The following GPCPD1 variants were observed in gnomAD, a reference collection of about 807,000 sequenced individuals.
The protein encoded by GPCPD1 is glycerophosphocholine phosphodiesterase GPCPD1.
A neutral mutation model predicts 89.2 loss-of-function variants in GPCPD1; 29 were observed. The ratio of observed to expected loss-of-function variants is 0.33; its 90% CI spans 0.24 to 0.44. GPCPD1 has a LOEUF of 0.44. Ranked by LOEUF, GPCPD1 falls within the 20% of genes least tolerant of loss-of-function variation. The pLI is 1.00. For synonymous variants in GPCPD1, 258 were observed against 266.3 expected (o/e 0.97, Z 0.30); for missense variants, 594 against 808.9 (o/e 0.73, Z 3.22).
At chr20:5,569,814 G>A (rs1986604244) in intron 12 of GPCPD1, among the ~76,000 whole-genome samples, 1 of 152,088 alleles carries the variant, frequency 6.6e-6, no homozygotes, top group Non-Finnish European at 1.5e-5. Flanking sequence ...AGAAACAGCT[G>A]GAATCCTAGA....
At chr20:5,548,063 T>C (rs1204487789) in intron 19 of GPCPD1, among the ~76,000 whole-genome samples, 1 of 152,242 alleles carries the variant, frequency 6.6e-6, no homozygotes, top group African/African-American at 2.4e-5. Context: ...AATAGCAGCA[T>C]TGCCCTTTTG....
chr20:5,581,930 A>T (rs558580831), intron 6 of GPCPD1, among the ~76,000 whole-genome samples: 1 of 144,116 alleles, frequency 6.9e-6, no homozygotes, highest in African/African-American at 2.6e-5. Context: ...CACGCCTGTA[A>T]TCCCAGCACT....
At chr20:5,572,529 C>T (rs1406717441) in intron 11 of GPCPD1, among the ~76,000 whole-genome samples, 1 of 152,110 alleles carries the variant, frequency 6.6e-6, no homozygotes, top group Non-Finnish European at 1.5e-5. Context: ...GATGTTAGTT[C>T]ATATAAGTAA....
chr20:5,577,850 A>G (rs1303775595), intron 8 of GPCPD1, among the ~76,000 whole-genome samples: 1 of 152,212 alleles, frequency 6.6e-6, no homozygotes, highest in African/African-American at 2.4e-5. Flanking sequence ...GTCTACAAGC[A>G]CTAGTGTAAG....
intron 2 of GPCPD1, among the ~76,000 whole-genome samples, chr20:5,602,044 T>G (rs569864147): frequency 6.6e-6 from 1 of 152,342 alleles, no homozygotes; most frequent in African/African-American, 2.4e-5. Flanking sequence ...CTGGTTGTAC[T>G]TGTTTCCCCC....
intron 16 of GPCPD1, among the ~76,000 whole-genome samples, chr20:5,560,528 T>C (rs1470437506): frequency 6.6e-6 from 1 of 152,204 alleles, no homozygotes; most frequent in Non-Finnish European, 1.5e-5. Flanking sequence ...AACCAAAAAT[T>C]AATTAAAGTA....
At chr20:5,562,791 T>C (rs1986164088) in intron 15 of GPCPD1, among the ~76,000 whole-genome samples, 1 of 152,126 alleles carries the variant, frequency 6.6e-6, no homozygotes, top group South Asian at 2.1e-4. Flanking sequence ...TTGTATTCAA[T>C]TTTGTGTGGG....
chr20:5,558,618 A>C (rs1389912925), intron 18 of GPCPD1, 66 bp downstream of exon 18: 2 of 951,038 alleles, frequency 2.1e-6, no homozygotes, highest in Non-Finnish European at 3.2e-6. Flanking sequence ...GTAATATGAA[A>C]TCTTTACTAC....
At chr20:5,608,622 G>A (rs1395863143) in intron 1 of GPCPD1, among the ~76,000 whole-genome samples, 7 of 149,952 alleles carry the variant, frequency 4.7e-5, no homozygotes, top group Non-Finnish European at 3.0e-5. Flanking sequence ...AAACAAGGAA[G>A]AAAAAAAAAA....
intron 4 of GPCPD1, among the ~76,000 whole-genome samples, chr20:5,592,230 A>G (rs1364233567): frequency 6.6e-6 from 1 of 152,016 alleles, no homozygotes; most frequent in Non-Finnish European, 1.5e-5. Flanking sequence ...CATATCTATG[A>G]CCTATGTATC....
chr20:5,602,282 G>A (rs1250461440), intron 2 of GPCPD1, among the ~76,000 whole-genome samples: 1 of 152,168 alleles, frequency 6.6e-6, no homozygotes, highest in Non-Finnish European at 1.5e-5. Context: ...CACTTCTGTG[G>A]CCAGTTCTGC....
chr20:5,586,703 C>A (rs1978949168), intron 4 of GPCPD1, among the ~76,000 whole-genome samples: 1 of 152,098 alleles, frequency 6.6e-6, no homozygotes, highest in Admixed American at 6.6e-5. Flanking sequence ...AACAAGCCTA[C>A]AATAGTAAAA....
At position 5,573,287 on chromosome 20, in the gene GPCPD1, T is replaced by C. The variant is rs369664957; in HGVS notation, c.1056+628A>G. On this transcript the variant is annotated intron_variant, in intron 11 of 19. Coordinates refer to ENST00000379019, the MANE Select transcript of GPCPD1 (RefSeq NM_019593.5). ...TTTTAGTACAGGCTGGGTTTCACCATGTTGGCCAGGCTGGTCTTGAACTCC... is the reference window on the plus strand; with the variant it reads ...TTTTAGTACAGGCTGGGTTTCACCACGTTGGCCAGGCTGGTCTTGAACTCC... Among the ~76,000 whole-genome samples the C allele has an allele frequency of 3.3e-5, 5 of 152,168 alleles. No homozygotes were observed. In the East Asian group the frequency reaches 5.8e-4, roughly 18 times the overall value.
intron 14 of GPCPD1, among the ~76,000 whole-genome samples, chr20:5,565,588 T>G (rs1327907071): frequency 6.6e-6 from 1 of 152,178 alleles, no homozygotes; most frequent in Non-Finnish European, 1.5e-5. Flanking sequence ...ACCCATTTTC[T>G]AAATAAGCAT....
Position 5,547,536 on chromosome 20 carries a change from A to C in GPCPD1, c.*125T>G. On this transcript the variant is annotated 3_prime_UTR_variant, in exon 20 of 20. Transcript: ENST00000379019. The stretch of plus-strand genomic sequence containing the variant: ...GCAAGAACTGTAGTGAAAGAGTTAA[A>C]TACTTCATTATTGCTTCATTGAACT... 1 of 527,448 alleles carries C rather than the reference A, an allele frequency of 1.9e-6. No individual in the cohort carries two copies. The highest frequency in any genetic ancestry group is 3.5e-6 in the Non-Finnish European group (1 of 289,566). 32.7% of individuals were successfully genotyped at this position (527,448 alleles called of 1,614,324 possible).
chr20:5,582,470 T>C (rs1978604519), intron 6 of GPCPD1, among the ~76,000 whole-genome samples: 1 of 151,928 alleles, frequency 6.6e-6, no homozygotes, highest in African/African-American at 2.4e-5. Context: ...TTCAGGCCTG[T>C]TCTTTCCTGT....
rs568155284 is a variant in GPCPD1, at chr20:5,567,472, A to G, written c.1227+11T>C. 1.9e-5 allele frequency: 29 copies of G among 1,557,248 alleles called. No individual in the cohort carries two copies. The East Asian group carries it at 5.7e-4, about 31-fold the overall frequency. On this transcript the variant is annotated intron_variant, in intron 13 of 19. Transcript: ENST00000379019. ...TAAGGGATAATTTACATTTCATGTT[A>G]TTATTACTACCTTTAACAACTGGAG...
intron 11 of GPCPD1, among the ~76,000 whole-genome samples, chr20:5,570,671 C>T (rs868198030): frequency 6.6e-6 from 1 of 152,150 alleles, no homozygotes; most frequent in Non-Finnish European, 1.5e-5. Flanking sequence ...TGCCTTAGCT[C>T]GGCTCCTTAG....
At chr20:5,571,852 T>C (rs1180578514) in intron 11 of GPCPD1, among the ~76,000 whole-genome samples, 1 of 151,388 alleles carries the variant, frequency 6.6e-6, no homozygotes, top group Non-Finnish European at 1.5e-5. Flanking sequence ...GAGGTTGCAG[T>C]GAACCAAGAT....
Sources: gnomAD v4.1 joint callset for allele counts (sites outside exome capture counted in the v4.1 genomes callset) on GRCh38, gnomAD v4.1.1 for gene constraint, MANE v1.5 for transcripts, NCBI Gene and HGNC (gene_info 2026-07-23, HGNC 2026-07-21) for gene names.